Variants in ADGRF5 observed in about 807,000 individuals in gnomAD.
ADGRF5 encodes adhesion G protein-coupled receptor F5, also known as G-protein coupled receptor 116.
Under a neutral mutation model 132.3 loss-of-function variants are expected in ADGRF5, and 75 were observed. The observed-to-expected ratio is 0.57, with a 90% CI of 0.47 to 0.69. The LOEUF (loss-of-function observed/expected upper bound fraction) is 0.69. Ranked by LOEUF, ADGRF5 falls within the 30% of genes least tolerant of loss-of-function variation. ADGRF5 has a pLI of 0.00. For missense variants in ADGRF5, 1,516 were observed against 1,630.6 expected (o/e 0.93, Z 1.21); for synonymous variants, 629 against 597.6 (o/e 1.05, Z -0.77).
At chr6:46,913,155 G>A (rs192409480) in intron 1 of ADGRF5, among the ~76,000 whole-genome samples, 1 of 152,312 alleles carries the variant, frequency 6.6e-6, no homozygotes, top group East Asian at 1.9e-4. Context: ...GCAGGAACAG[G>A]AGGGAAACAA....
At chr6:46,889,185 A>G (rs1773366976) in intron 3 of ADGRF5, among the ~76,000 whole-genome samples, 1 of 51,918 alleles carries the variant, frequency 1.9e-5, no homozygotes, top group South Asian at 3.8e-4. Flanking sequence ...GTATGTGTAT[A>G]CATATATATA....
upstream of ADGRF5, among the ~76,000 whole-genome samples, chr6:46,926,719 A>G (rs979282257): frequency 6.6e-6 from 1 of 152,180 alleles, no homozygotes; most frequent in African/African-American, 2.4e-5. Flanking sequence ...TGTGATGCAC[A>G]TAATTTCAGA....
chr6:46,912,959 T>C (rs149887016), intron 1 of ADGRF5, among the ~76,000 whole-genome samples: 2,710 of 152,304 alleles, frequency 0.018, 39 homozygotes, highest in South Asian at 0.044. Context: ...CCAGCAAGAC[T>C]GTGTCTTGTT....
chr6:46,899,873 G>A (rs1774571692), intron 3 of ADGRF5, among the ~76,000 whole-genome samples, 156 bp downstream of exon 3: 1 of 151,960 alleles, frequency 6.6e-6, no homozygotes, highest in South Asian at 2.1e-4. Flanking sequence ...GTAGAGAATG[G>A]AGTTTCCTAG....
intron 1 of ADGRF5, among the ~76,000 whole-genome samples, chr6:46,948,310 G>C (rs1778372613): frequency 6.6e-6 from 1 of 152,188 alleles, no homozygotes; most frequent in South Asian, 2.1e-4. Context: ...CAAAAGTCTA[G>C]TTTGGGTGAG....
intron 15 of ADGRF5, among the ~76,000 whole-genome samples, chr6:46,861,992 C>T (rs1263875540): frequency 6.6e-6 from 1 of 150,704 alleles, no homozygotes; most frequent in Non-Finnish European, 1.5e-5. Flanking sequence ...ATGTAACTAC[C>T]CAATTCGATT....
intron 5 of ADGRF5, 34 bp from the exon 6 acceptor site, chr6:46,883,699 T>G (rs935755991): frequency 1.8e-6 from 2 of 1,102,566 alleles, no homozygotes; most frequent in Non-Finnish European, 1.4e-6. Context: ...TTTAAAAATA[T>G]GTTAATGTCT....
At position 46,859,365 on chromosome 6, in the gene ADGRF5, G is replaced by A. The variant is rs780370039; in HGVS notation, c.2538C>T (p.Phe846=). The A allele has an allele frequency of 3.7e-6, 6 of 1,613,746 alleles. No individual in the cohort carries two copies. Among genetic ancestry groups the A allele is most frequent in the Non-Finnish European group, 5.1e-6 (6 of 1,179,788 alleles). ...LQSGDSPPLS[F]SQTNVQMSSM... Reference sequence around the variant, plus strand: ...TGCTCATCTGCACATTAGTTTGGGAGAAGGACAAAGGAGGGCTATCTCCCG... The same window carrying A: ...TGCTCATCTGCACATTAGTTTGGGAAAAGGACAAAGGAGGGCTATCTCCCG... Residue 846 remains phenylalanine (F), a synonymous_variant, in exon 17 of 21, where the codon TTC becomes TTT. Coordinates refer to ENST00000283296, the MANE Select transcript of ADGRF5 (RefSeq NM_001098518.2).
Position 46,866,919 on chromosome 6 carries a change from T to A in ADGRF5, c.1834+6A>T. The stretch of plus-strand genomic sequence containing the variant: ...TACCCTAACAATTCAGCAATCAGCA[T>A]CTTACCAGCAGGAAGGGATGAGGAA... On this transcript the variant is annotated splice_donor_region_variant and intron_variant, in intron 13 of 20. Transcript: ENST00000283296. The A allele has an allele frequency of 1.9e-6, 3 of 1,554,930 alleles. No homozygotes were observed. Among genetic ancestry groups the A allele is most frequent in the Non-Finnish European group, 2.7e-6 (3 of 1,125,794 alleles).
intron 1 of ADGRF5, among the ~76,000 whole-genome samples, chr6:46,935,070 C>T (rs1341646513): frequency 2.4e-5 from 3 of 123,282 alleles, no homozygotes; most frequent in Non-Finnish European, 4.7e-5. Flanking sequence ...GTAGTGTGAT[C>T]TTGGCTCACT....
chr6:46,860,082 G>A (rs956096158), intron 16 of ADGRF5, among the ~76,000 whole-genome samples: 7 of 152,238 alleles, frequency 4.6e-5, no homozygotes, highest in Non-Finnish European at 7.4e-5. Flanking sequence ...GCACATGTCT[G>A]GTTATAGCTC....
At chr6:46,925,676 G>T (rs1360183758), upstream of ADGRF5, among the ~76,000 whole-genome samples, 3 of 152,242 alleles carry the variant, frequency 2.0e-5, no homozygotes, top group Non-Finnish European at 4.4e-5. Flanking sequence ...AGAATTGCTT[G>T]AACCTGAGAG....
At chr6:46,884,019 G>T in intron 5 of ADGRF5, 76 bp downstream of exon 5, 1 of 1,201,170 alleles carries the variant, frequency 8.3e-7, no homozygotes, top group Non-Finnish European at 1.2e-6. Context: ...TGGGATTACA[G>T]GCATGAGCCA....
chr6:46,880,286 C>T (rs544483677), intron 8 of ADGRF5, among the ~76,000 whole-genome samples: 85 of 151,910 alleles, frequency 5.6e-4, no homozygotes, highest in South Asian at 2.3e-3. Flanking sequence ...GGCTCCTTAA[C>T]GGCAGTAATG....
chr6:46,953,033 C>A (rs1778560576), intron 1 of ADGRF5, among the ~76,000 whole-genome samples: 1 of 152,098 alleles, frequency 6.6e-6, no homozygotes, highest in African/African-American at 2.4e-5. Flanking sequence ...TTAGAGCATT[C>A]AAATATTAGG....
Position 46,858,459 on chromosome 6 carries a change from T to C in ADGRF5, c.3444A>G (p.Gly1148=). 6.2e-7 allele frequency: 1 copy of C among 1,613,774 alleles called. No individual in the cohort carries two copies. Among genetic ancestry groups the C allele is most frequent in the South Asian group, 1.1e-5 (1 of 91,062 alleles). The part of the protein sequence containing the change: ...CPLAISVITL[G]ATQPREVYTR... ...TATAGACTTCCCGGGGCTGGGTGGCTCCCAGCGTGATGACCGAGATGGCAA... is the reference window on the plus strand; with the variant it reads ...TATAGACTTCCCGGGGCTGGGTGGCCCCCAGCGTGATGACCGAGATGGCAA... The change falls in exon 17 of 21, where the codon GGA becomes GGG. Residue 1148 remains glycine, a synonymous_variant. Transcript: ENST00000283296.
intron 1 of ADGRF5, among the ~76,000 whole-genome samples, chr6:46,953,685 A>ATATATATATATATATATATATATC (rs1326327311): frequency 3.2e-5 from 4 of 126,950 alleles, no homozygotes; most frequent in African/African-American, 8.5e-5. Flanking sequence ...ATATATATAT[A>ATATATATATATATATATATATATC]TATATCTCAC....
At chr6:46,918,717 G>C (rs1201231382) in intron 1 of ADGRF5, among the ~76,000 whole-genome samples, 3 of 152,216 alleles carry the variant, frequency 2.0e-5, no homozygotes, top group Admixed American at 1.3e-4. Flanking sequence ...CATTGTTGGA[G>C]GTGTCGGAAA....
At chr6:46,867,378 C>G (rs1422667118) in intron 12 of ADGRF5, among the ~76,000 whole-genome samples, 1 of 152,158 alleles carries the variant, frequency 6.6e-6, no homozygotes, top group Admixed American at 6.5e-5. Flanking sequence ...AATTAAGTGG[C>G]TTATTCAAGG....
Sources: allele counts gnomAD v4.1 joint callset (sites outside exome capture counted in the v4.1 genomes callset), GRCh38; gene constraint gnomAD v4.1.1; transcripts MANE v1.5; gene names NCBI Gene and HGNC (gene_info 2026-07-23, HGNC 2026-07-21).